The following MAGI3 variants were observed in gnomAD, a reference collection of about 807,000 sequenced individuals.
MAGI3 encodes membrane associated guanylate kinase, WW and PDZ domain containing 3, also known as membrane-associated guanylate kinase, WW and PDZ domain-containing protein 3.
In MAGI3, 43 loss-of-function variants were observed where a neutral mutation model predicts 121.8. That is an observed-to-expected ratio of 0.35 (90% CI 0.28 to 0.46). The LOEUF (loss-of-function observed/expected upper bound fraction) is 0.46, where lower values mean the gene tolerates loss of function less well. Ranked by LOEUF, MAGI3 falls within the 20% of genes least tolerant of loss-of-function variation. MAGI3 has a pLI of 1.00. For missense variants in MAGI3, 1,547 were observed against 1,797.3 expected (o/e 0.86, Z 2.52); for synonymous variants, 553 against 639.3 (o/e 0.86, Z 2.04).
At position 113,602,609 on chromosome 1, in the gene MAGI3, C is replaced by T. The variant is rs561427266; in HGVS notation, c.1018+8049C>T. ...TGGAATAAAAGAAATAACAGAAGATCGGAGCAGAATTAAATGAAATTAAAA... is the reference window on the plus strand; with the variant it reads ...TGGAATAAAAGAAATAACAGAAGATTGGAGCAGAATTAAATGAAATTAAAA... On this transcript the variant is annotated intron_variant, in intron 6 of 20. Coordinates refer to ENST00000307546, the MANE Select transcript of MAGI3 (RefSeq NM_001142782.2). Among the ~76,000 whole-genome samples the T allele has an allele frequency of 2.6e-5, 4 of 152,176 alleles. No homozygotes were observed. In the East Asian group the frequency reaches 5.8e-4, roughly 22 times the overall value.
chr1:113,411,543 A>G (rs1651986707), intron 1 of MAGI3, among the ~76,000 whole-genome samples: 1 of 152,058 alleles, frequency 6.6e-6, no homozygotes, highest in Non-Finnish European at 1.5e-5. Context: ...AATCCATTCT[A>G]ACTATCGAGT....
chr1:113,626,240 C>G (rs1188000810), intron 9 of MAGI3, among the ~76,000 whole-genome samples: 1 of 152,208 alleles, frequency 6.6e-6, no homozygotes, highest in Non-Finnish European at 1.5e-5. Flanking sequence ...TTTTATCCTT[C>G]ATTCTGTTGA....
At chr1:113,462,730 G>A (rs1227690820) in intron 1 of MAGI3, among the ~76,000 whole-genome samples, 1 of 152,036 alleles carries the variant, frequency 6.6e-6, no homozygotes, top group East Asian at 1.9e-4. Flanking sequence ...AAAAGATGAG[G>A]CAATACTTTG....
In MAGI3 at chr1:113,436,811, C is replaced by CTTT. The variant is rs1026496354; in HGVS notation, c.316+45480_316+45482dup. ...TTTTTTTCCAAATTTTAAAGACAGTCTTTTTTTTTTTTTTTTTTTTGAGAC... is the reference window on the plus strand; with the variant it reads ...TTTTTTTCCAAATTTTAAAGACAGTCTTTTTTTTTTTTTTTTTTTTTTTGAGAC... On this transcript the variant is annotated intron_variant, in intron 1 of 20. Coordinates refer to ENST00000307546, the MANE Select transcript of MAGI3 (RefSeq NM_001142782.2). Among the ~76,000 whole-genome samples, 117 of 124,122 alleles carry CTTT rather than the reference C, an allele frequency of 9.4e-4. 3 individuals are homozygous for CTTT. The highest frequency in any genetic ancestry group is 1.5e-3 in the African/African-American group (50 of 33,444). The allele number at this position is 124,122 out of a possible 152,430, so 81.4% of individuals were successfully genotyped here.
At chr1:113,631,942 A>G (rs1211232498) in intron 9 of MAGI3, among the ~76,000 whole-genome samples, 2 of 151,912 alleles carry the variant, frequency 1.3e-5, no homozygotes, top group African/African-American at 4.8e-5. Flanking sequence ...TTGCGGGGGG[A>G]AGTTTAAGTA....
intron 1 of MAGI3, among the ~76,000 whole-genome samples, chr1:113,539,323 G>T (rs2101652866): frequency 6.6e-6 from 1 of 151,686 alleles, no homozygotes; most frequent in East Asian, 1.9e-4. Context: ...AACCCGGGAG[G>T]TGGAGGTTGC....
At chr1:113,440,715 G>T (rs1653869229) in intron 1 of MAGI3, among the ~76,000 whole-genome samples, 1 of 152,164 alleles carries the variant, frequency 6.6e-6, no homozygotes, top group African/African-American at 2.4e-5. Flanking sequence ...GTCTTGTACA[G>T]TTCTGGTGGT....
chr1:113,476,863 C>T (rs1197983170), intron 1 of MAGI3, among the ~76,000 whole-genome samples: 1 of 152,136 alleles, frequency 6.6e-6, no homozygotes, highest in African/African-American at 2.4e-5. Flanking sequence ...GTCTAAGTCT[C>T]TTTGTAGGTC....
chr1:113,444,661 A>C (rs1197237865), intron 1 of MAGI3, among the ~76,000 whole-genome samples: 3 of 152,214 alleles, frequency 2.0e-5, no homozygotes, highest in Non-Finnish European at 4.4e-5. Context: ...CAGAGTAACC[A>C]TATTATTAGA....
chr1:113,656,438 C>T (rs1454278035), intron 15 of MAGI3, among the ~76,000 whole-genome samples: 5 of 148,298 alleles, frequency 3.4e-5, no homozygotes, highest in African/African-American at 7.6e-5. Flanking sequence ...TTTTTTGAGA[C>T]AGTCTTACTC....
At chr1:113,515,875 T>C (rs550828071) in intron 1 of MAGI3, among the ~76,000 whole-genome samples, 6 of 152,238 alleles carry the variant, frequency 3.9e-5, no homozygotes, top group African/African-American at 1.4e-4. Context: ...GAGGTAGGCA[T>C]GTGCAGGTTG....
intron 6 of MAGI3, among the ~76,000 whole-genome samples, chr1:113,599,681 A>G (rs993994883): frequency 2.0e-5 from 3 of 151,502 alleles, no homozygotes; most frequent in African/African-American, 7.3e-5. Flanking sequence ...AAACTATTCC[A>G]ATCAATAGAA....
At chr1:113,656,054 A>G (rs1012713852) in intron 15 of MAGI3, among the ~76,000 whole-genome samples, 1 of 152,232 alleles carries the variant, frequency 6.6e-6, no homozygotes, top group Non-Finnish European at 1.5e-5. Context: ...ATGTGGCAGG[A>G]GATGAGTATT....
intron 1 of MAGI3, among the ~76,000 whole-genome samples, chr1:113,548,990 G>A (rs1217681741): frequency 6.6e-6 from 1 of 152,174 alleles, no homozygotes; most frequent in East Asian, 1.9e-4. Flanking sequence ...AGATTGTTTT[G>A]CAAGTTGATG....
At chr1:113,496,847 G>T (rs1303597996) in intron 1 of MAGI3, among the ~76,000 whole-genome samples, 1 of 152,086 alleles carries the variant, frequency 6.6e-6, no homozygotes, top group African/African-American at 2.4e-5. Flanking sequence ...TTGTTATCTA[G>T]GCCACATTAG....
intron 2 of MAGI3, among the ~76,000 whole-genome samples, chr1:113,549,909 A>G (rs147381658): frequency 7.4e-4 from 108 of 145,488 alleles, no homozygotes; most frequent in African/African-American, 2.7e-3. Context: ...TGAGGTCAGG[A>G]GTTCAAGACC....
chr1:113,515,206 C>G (rs1242210936), intron 1 of MAGI3, among the ~76,000 whole-genome samples: 1 of 151,760 alleles, frequency 6.6e-6, no homozygotes, highest in African/African-American at 2.4e-5. Flanking sequence ...CTTCCAAAGG[C>G]CTTTGATGTT....
chr1:113,560,163 C>A (rs1337667800), intron 2 of MAGI3, among the ~76,000 whole-genome samples: 1 of 152,094 alleles, frequency 6.6e-6, no homozygotes, highest in Non-Finnish European at 1.5e-5. Context: ...GAACTGAAAT[C>A]ATAACAATCT....
At chr1:113,588,801 C>T (rs1456999726) in intron 4 of MAGI3, among the ~76,000 whole-genome samples, 1 of 152,086 alleles carries the variant, frequency 6.6e-6, no homozygotes, top group African/African-American at 2.4e-5. Flanking sequence ...GAGTGAGGTC[C>T]AGAGAGAACT....
Sources: gnomAD v4.1 joint callset for allele counts (sites outside exome capture counted in the v4.1 genomes callset) on GRCh38, gnomAD v4.1.1 for gene constraint, MANE v1.5 for transcripts, NCBI Gene and HGNC (gene_info 2026-07-23, HGNC 2026-07-21) for gene names.